The following DNAJC7 variants were observed in gnomAD, a reference collection of about 807,000 sequenced individuals.
DNAJC7 encodes the protein DnaJ heat shock protein family (Hsp40) member C7, also known as dnaJ homolog subfamily C member 7.
DNAJC7 carries 18 observed loss-of-function variants against 67.4 expected under a neutral mutation model. That is an observed-to-expected ratio of 0.27 (90% CI 0.18 to 0.40). DNAJC7 has a LOEUF of 0.40. Ranked by LOEUF, DNAJC7 falls within the 10% of genes least tolerant of loss-of-function variation. The probability of loss-of-function intolerance (pLI) is 1.00; values close to 1 mark genes in which losing one functional copy is unlikely to be tolerated. For missense variants in DNAJC7, 419 were observed against 613.8 expected (o/e 0.68, Z 3.35); for synonymous variants, 220 against 207.8 (o/e 1.06, Z -0.50).
intron 2 of DNAJC7, among the ~76,000 whole-genome samples, chr17:41,998,563 G>T (rs2051721178): frequency 6.6e-6 from 1 of 152,186 alleles, no homozygotes; most frequent in Admixed American, 6.5e-5. Flanking sequence ...ACAAGGTACG[G>T]CTTTGAAGTG....
chr17:42,000,441 C>G (rs1408781737), intron 2 of DNAJC7, 41 bp downstream of exon 2: 3 of 1,480,152 alleles, frequency 2.0e-6, no homozygotes, highest in Non-Finnish European at 2.8e-6. Context: ...TAATATTTGG[C>G]AAGTAAATGT....
In DNAJC7 at chr17:42,004,614, G is replaced by A. The variant is rs373116475; in HGVS notation, c.78-4044C>T. The stretch of plus-strand genomic sequence containing the variant: ...TTTTCCAAAAAAATCTGTCCTCTCT[G>A]GATGCATGGAGGATCTCTCACAACA... On this transcript the variant is annotated intron_variant, in intron 1 of 13. Coordinates refer to ENST00000457167, the MANE Select transcript of DNAJC7 (RefSeq NM_003315.4). Among the ~76,000 whole-genome samples, 7 of 152,280 alleles carry A rather than the reference G, an allele frequency of 4.6e-5. No homozygotes were observed. In the East Asian group the frequency reaches 1.3e-3, roughly 29 times the overall value.
intron 1 of DNAJC7, among the ~76,000 whole-genome samples, chr17:42,008,309 C>T (rs1245091968): frequency 8.1e-6 from 1 of 124,140 alleles, no homozygotes; most frequent in Non-Finnish European, 1.7e-5. Flanking sequence ...GACTCCGTCT[C>T]AAAAAAGAAA....
At chr17:41,987,786 T>A (rs1197431563) in intron 9 of DNAJC7, 33 bp downstream of exon 9, 1 of 1,566,758 alleles carries the variant, frequency 6.4e-7, no homozygotes, top group Non-Finnish European at 8.7e-7. Context: ...CAGCGGCAAC[T>A]CCCTCTTCCC....
At chr17:41,987,949 G>C (rs782634509) in intron 8 of DNAJC7, 39 bp from the exon 9 acceptor site, 11 of 1,555,220 alleles carry the variant, frequency 7.1e-6, no homozygotes, top group African/African-American at 4.1e-5. Flanking sequence ...CACACCTTTG[G>C]TGACTGAGGG....
intron 1 of DNAJC7, among the ~76,000 whole-genome samples, chr17:42,002,453 C>T (rs1271496784): frequency 2.0e-5 from 3 of 152,136 alleles, no homozygotes; most frequent in Admixed American, 2.0e-4. Flanking sequence ...AAGACACTAC[C>T]CCTATGGAGG....
Position 42,006,796 on chromosome 17 carries a change from C to CAAAAAAAAAAAAAAAAAAA in DNAJC7, c.78-6245_78-6227dup, listed in dbSNP as rs57155070. Among the ~76,000 whole-genome samples, 2 of 23,334 alleles carry CAAAAAAAAAAAAAAAAAAA rather than the reference C, an allele frequency of 8.6e-5. 1 individual carries two copies. Among genetic ancestry groups the CAAAAAAAAAAAAAAAAAAA allele is most frequent in the Non-Finnish European group, 1.3e-4 (2 of 14,908 alleles). The allele number at this position is 23,334 out of a possible 152,430, so 15.3% of individuals were successfully genotyped here. On this transcript the variant is annotated intron_variant, in intron 1 of 13. Coordinates refer to ENST00000457167, the MANE Select transcript of DNAJC7 (RefSeq NM_003315.4). The stretch of plus-strand genomic sequence containing the variant: ...TGGGCAACAGAGCAAGACTCCGTCT[C>CAAAAAAAAAAAAAAAAAAA]AAAAAAAAAAAAAAAAAAAAAAGTC...
chr17:41,987,649 T>A (rs1555647066), intron 9 of DNAJC7, 170 bp downstream of exon 9: 1 of 537,296 alleles, frequency 1.9e-6, no homozygotes, highest in Non-Finnish European at 3.3e-6. Flanking sequence ...TGCAATCTCC[T>A]CCGCTGGAGG....
At chr17:42,011,767 C>T (rs1555651066) in intron 1 of DNAJC7, 1 of 152,140 alleles carries the variant, frequency 6.6e-6, no homozygotes, top group African/African-American at 2.4e-5. Context: ...ATTAGAAGGA[C>T]ACATTCCTAA....
chr17:41,976,781 A>G lies in DNAJC7; in HGVS notation c.1448-11T>C. 6.2e-7 allele frequency: 1 copy of G among 1,610,064 alleles called. No individual in the cohort carries two copies. The highest frequency in any genetic ancestry group is 8.5e-7 in the Non-Finnish European group (1 of 1,179,180). Reference sequence around the variant, plus strand: ...TCCCTGGACCAGATGCTGAAAGAGAAAAGAGGGGTTGGTAGTTGGCTATGG... The same window carrying G: ...TCCCTGGACCAGATGCTGAAAGAGAGAAGAGGGGTTGGTAGTTGGCTATGG... On this transcript the variant is annotated splice_polypyrimidine_tract_variant and intron_variant, in intron 13 of 13. Transcript: ENST00000457167.
intron 5 of DNAJC7, among the ~76,000 whole-genome samples, chr17:41,990,882 T>A (rs1026657011): frequency 6.6e-6 from 1 of 152,012 alleles, no homozygotes; most frequent in Non-Finnish European, 1.5e-5. Flanking sequence ...ATGTTAGCCA[T>A]GATGGTCTTG....
chr17:41,994,200 G>A (rs1428201389), intron 5 of DNAJC7, among the ~76,000 whole-genome samples: 13 of 151,946 alleles, frequency 8.6e-5, no homozygotes, highest in Non-Finnish European at 4.4e-5. Context: ...GCTGGGCGTG[G>A]TGGCGCATGC....
intron 1 of DNAJC7, among the ~76,000 whole-genome samples, chr17:42,010,388 A>T (rs1375136055): frequency 1.3e-5 from 2 of 151,820 alleles, no homozygotes; most frequent in Non-Finnish European, 2.9e-5. Context: ...GCTACTCAGG[A>T]AGCTGACTCA....
intron 1 of DNAJC7, among the ~76,000 whole-genome samples, chr17:42,005,484 A>T (rs182573682): frequency 3.6e-4 from 55 of 152,338 alleles, no homozygotes; most frequent in African/African-American, 1.2e-3. Flanking sequence ...GTCAGCCTAC[A>T]CTAATGCAGA....
chr17:42,001,611 G>A (rs1258486265), intron 1 of DNAJC7, among the ~76,000 whole-genome samples: 5 of 152,138 alleles, frequency 3.3e-5, no homozygotes, highest in Non-Finnish European at 7.3e-5. Context: ...TTTGTTATGA[G>A]AAACATCTTT....
intron 1 of DNAJC7, chr17:42,013,422 G>C (rs2052171996): frequency 6.6e-6 from 1 of 152,162 alleles, no homozygotes; most frequent in Admixed American, 6.5e-5. Flanking sequence ...CCCCCCTATG[G>C]GACTGTGACA....
intron 1 of DNAJC7, among the ~76,000 whole-genome samples, chr17:42,012,489 A>G (rs1207760536): frequency 1.3e-5 from 2 of 152,220 alleles, no homozygotes; most frequent in African/African-American, 4.8e-5. Context: ...CAAAAAGAAA[A>G]GAAAACAATT....
chr17:41,987,290 C>G (rs2051408290), intron 9 of DNAJC7: 1 of 152,218 alleles, frequency 6.6e-6, no homozygotes. Flanking sequence ...CAGGGTGTTT[C>G]AAAAGGAAGT....
intron 8 of DNAJC7, among the ~76,000 whole-genome samples, chr17:41,988,280 T>G (rs1379410530): frequency 1.3e-5 from 2 of 152,244 alleles, no homozygotes; most frequent in East Asian, 3.8e-4. Context: ...AGGAGTCTAC[T>G]TTTTGTTTCT....
Sources: allele counts gnomAD v4.1 joint callset (sites outside exome capture counted in the v4.1 genomes callset), GRCh38; gene constraint gnomAD v4.1.1; transcripts MANE v1.5; gene names NCBI Gene and HGNC (gene_info 2026-07-23, HGNC 2026-07-21).